DOCK3: variants seen among roughly 807,000 people sequenced by gnomAD.
DOCK3 encodes dedicator of cytokinesis protein 3.
DOCK3 carries 60 observed loss-of-function variants against 265.6 expected under a neutral mutation model. The ratio of observed to expected loss-of-function variants is 0.23; its 90% CI spans 0.18 to 0.28. The LOEUF (loss-of-function observed/expected upper bound fraction) is 0.28, where lower values mean the gene tolerates loss of function less well. Ranked by LOEUF, DOCK3 falls within the 10% of genes least tolerant of loss-of-function variation. The pLI, the probability that DOCK3 is intolerant of heterozygous loss-of-function variation, is 1.00. For missense variants in DOCK3, 1,981 were observed against 2,594.3 expected, an observed-to-expected ratio of 0.76 and a Z score of 5.14; for synonymous variants, 881 against 938.0, an observed-to-expected ratio of 0.94 and a Z score of 1.11.
At chr3:50,739,126 G>A (rs1451355912) in intron 1 of DOCK3, among the ~76,000 whole-genome samples, 1 of 152,180 alleles carries the variant, frequency 6.6e-6, no homozygotes, top group East Asian at 1.9e-4. Context: ...TAATCTACTA[G>A]TTTCCTGTAA....
chr3:51,096,742 G>A (rs759898911), intron 9 of DOCK3, among the ~76,000 whole-genome samples: 1 of 152,168 alleles, frequency 6.6e-6, no homozygotes, highest in Non-Finnish European at 1.5e-5. Flanking sequence ...GGAATTTTCA[G>A]CCTTTTTGCA....
chr3:50,933,557 A>AC (rs1208149580), intron 4 of DOCK3, among the ~76,000 whole-genome samples: 1 of 151,854 alleles, frequency 6.6e-6, no homozygotes. Context: ...CCCCTCCACA[A>AC]CCCCCCACAT....
At chr3:50,919,933 T>A (rs1051780746) in intron 4 of DOCK3, among the ~76,000 whole-genome samples, 1 of 152,206 alleles carries the variant, frequency 6.6e-6, no homozygotes, top group African/African-American at 2.4e-5. Flanking sequence ...AATCAATACC[T>A]AGTTTATTGA....
intron 12 of DOCK3, among the ~76,000 whole-genome samples, chr3:51,207,880 G>A (rs2089301955): frequency 6.6e-6 from 1 of 152,014 alleles, no homozygotes; most frequent in Non-Finnish European, 1.5e-5. Flanking sequence ...CCAGGGCTGT[G>A]GGAACTCCCT....
In DOCK3 at chr3:50,803,694, C is replaced by T. The variant is rs565581528; in HGVS notation, c.121+24936C>T. Among the ~76,000 whole-genome samples the T allele has an allele frequency of 2.0e-4, 30 of 151,140 alleles. No homozygotes were observed. In the South Asian group the frequency reaches 2.7e-3, roughly 14 times the overall value. Reference sequence around the variant, plus strand: ...CCTCCCAGATGGGGCGGCTACCAGGCGGGGGCTGCCCCCCACCTCCCTCCC... The same window carrying T: ...CCTCCCAGATGGGGCGGCTACCAGGTGGGGGCTGCCCCCCACCTCCCTCCC... On this transcript the variant is annotated intron_variant, in intron 2 of 52. Transcript: ENST00000266037.
At chr3:50,864,038 G>A (rs924849769) in intron 3 of DOCK3, among the ~76,000 whole-genome samples, 1 of 152,024 alleles carries the variant, frequency 6.6e-6, no homozygotes, top group Non-Finnish European at 1.5e-5. Context: ...CCCCTATATT[G>A]TTTTCTATAA....
At chr3:51,021,747 C>T (rs552217173) in intron 5 of DOCK3, among the ~76,000 whole-genome samples, 12 of 150,234 alleles carry the variant, frequency 8.0e-5, no homozygotes, top group Non-Finnish European at 1.2e-4. Context: ...CTGCAACTTC[C>T]GCCTCCTGCA....
At chr3:50,855,228 C>T (rs1421546656) in intron 3 of DOCK3, among the ~76,000 whole-genome samples, 1 of 152,148 alleles carries the variant, frequency 6.6e-6, no homozygotes. Flanking sequence ...GCAGCATGGT[C>T]ATTTTAATGA....
At chr3:50,939,253 T>C (rs2051565632) in intron 5 of DOCK3, among the ~76,000 whole-genome samples, 1 of 152,128 alleles carries the variant, frequency 6.6e-6, no homozygotes, top group Non-Finnish European at 1.5e-5. Flanking sequence ...ATCCTGCAAC[T>C]GTTAACATAA....
At chr3:51,313,344 G>A (rs1196351977) in intron 31 of DOCK3, among the ~76,000 whole-genome samples, 3 of 152,196 alleles carry the variant, frequency 2.0e-5, no homozygotes, top group South Asian at 4.1e-4. Flanking sequence ...TGGATCTCTG[G>A]TATTCATGCA....
At chr3:51,154,806 G>T (rs950657309) in intron 10 of DOCK3, among the ~76,000 whole-genome samples, 3 of 152,076 alleles carry the variant, frequency 2.0e-5, no homozygotes, top group Non-Finnish European at 4.4e-5. Flanking sequence ...TTTTCATTTA[G>T]CATTTTAATT....
intron 5 of DOCK3, among the ~76,000 whole-genome samples, chr3:51,035,314 G>T (rs562673294): frequency 5.3e-5 from 8 of 151,978 alleles, no homozygotes; most frequent in African/African-American, 1.9e-4. Context: ...ATGAAATTCT[G>T]TTGATCTTTC....
chr3:51,155,856 T>TA (rs1254836008), intron 10 of DOCK3, among the ~76,000 whole-genome samples: 2 of 152,218 alleles, frequency 1.3e-5, no homozygotes, highest in Non-Finnish European at 2.9e-5. Flanking sequence ...CATTTTTAGA[T>TA]ATTCAGGACC....
intron 12 of DOCK3, among the ~76,000 whole-genome samples, 162 bp from the exon 13 acceptor site, chr3:51,208,612 G>T (rs753066510): frequency 2.0e-5 from 3 of 152,164 alleles, no homozygotes; most frequent in Non-Finnish European, 2.9e-5. Context: ...TGTGTTTTCT[G>T]CTTAATAGGA....
intron 5 of DOCK3, among the ~76,000 whole-genome samples, chr3:51,032,870 C>T (rs74812279): frequency 0.043 from 6,599 of 152,128 alleles, 185 homozygotes; most frequent in Non-Finnish European, 0.067. Flanking sequence ...TGTGATTGTG[C>T]CAGTGTACCC....
intron 5 of DOCK3, among the ~76,000 whole-genome samples, chr3:50,959,439 A>G (rs780486809): frequency 6.9e-4 from 105 of 151,852 alleles, no homozygotes; most frequent in Non-Finnish European, 1.0e-3. Flanking sequence ...AGATCTCTAC[A>G]CTTATTCTCC....
chr3:50,708,287 C>T (rs1298945919), intron 1 of DOCK3, among the ~76,000 whole-genome samples: 2 of 152,090 alleles, frequency 1.3e-5, no homozygotes, highest in African/African-American at 4.8e-5. Context: ...GTAGGTGGCT[C>T]TCAGGCTGTG....
intron 9 of DOCK3, among the ~76,000 whole-genome samples, chr3:51,103,015 C>T (rs1454125196): frequency 6.6e-6 from 1 of 152,096 alleles, no homozygotes; most frequent in Non-Finnish European, 1.5e-5. Context: ...CTACTATTCC[C>T]CTCCCACTGC....
At chr3:50,928,177 C>CT (rs2050869875) in intron 4 of DOCK3, among the ~76,000 whole-genome samples, 1 of 150,330 alleles carries the variant, frequency 6.7e-6, no homozygotes, top group Non-Finnish European at 1.5e-5. Context: ...CATTTCACCT[C>CT]TTTAAGTGTA....
Sources: gnomAD v4.1 joint callset for allele counts (sites outside exome capture counted in the v4.1 genomes callset) on GRCh38, gnomAD v4.1.1 for gene constraint, MANE v1.5 for transcripts, NCBI Gene and HGNC (gene_info 2026-07-23, HGNC 2026-07-21) for gene names.